DIAPH3: variants seen among roughly 807,000 people sequenced by gnomAD.
The protein encoded by DIAPH3 is diaphanous related formin 3, also known as protein diaphanous homolog 3.
Under a neutral mutation model 144.3 loss-of-function variants are expected in DIAPH3, and 117 were observed. That is an observed-to-expected ratio of 0.81 (90% CI 0.70 to 0.95). The LOEUF (loss-of-function observed/expected upper bound fraction) is 0.95. Ranked by LOEUF, DIAPH3 falls within the 40% of genes least tolerant of loss-of-function variation. The pLI is 0.00. For synonymous variants in DIAPH3, 519 were observed against 488.9 expected, an observed-to-expected ratio of 1.06 and a Z score of -0.81; for missense variants, 1,421 against 1,412.7, an observed-to-expected ratio of 1.01 and a Z score of -0.09.
chr13:59,899,351 C>T (rs2057528), intron 20 of DIAPH3, among the ~76,000 whole-genome samples: 36,213 of 152,056 alleles, frequency 0.24, 5,361 homozygotes, highest in Admixed American at 0.37. Context: ...GTATTTTGAG[C>T]AACTGATTAT....
At chr13:59,688,042 T>A (rs1227679828) in intron 27 of DIAPH3, among the ~76,000 whole-genome samples, 3 of 152,026 alleles carry the variant, frequency 2.0e-5, no homozygotes, top group Non-Finnish European at 4.4e-5. Context: ...CCAAAATCAA[T>A]ACCAAAGATT....
intron 1 of DIAPH3, among the ~76,000 whole-genome samples, chr13:60,156,941 T>TATA (rs1566834028): frequency 0.034 from 915 of 26,876 alleles, 6 homozygotes; most frequent in Middle Eastern, 0.065. Context: ...ATATATATAT[T>TATA]TTTTTTTTTT....
At chr13:59,692,033 G>C (rs185378929) in intron 27 of DIAPH3, among the ~76,000 whole-genome samples, 10 of 149,880 alleles carry the variant, frequency 6.7e-5, no homozygotes, top group Admixed American at 1.3e-4. Context: ...AATACCCCAT[G>C]TATAGTTCAC....
intron 21 of DIAPH3, among the ~76,000 whole-genome samples, chr13:59,862,183 G>A (rs1182525717): frequency 6.6e-6 from 1 of 152,152 alleles, no homozygotes; most frequent in African/African-American, 2.4e-5. Flanking sequence ...CACCTCTGAG[G>A]CAGCTGAGTG....
rs533925759 is a variant in DIAPH3, at chr13:59,846,625, C to T, written c.2738-7177G>A. The stretch of plus-strand genomic sequence containing the variant: ...AAACCTCAGTAGTATAAAAAAAAAT[C>T]TTGACTATTAAGTAGGTCTACAACA... On this transcript the variant is annotated intron_variant, in intron 22 of 27. Coordinates refer to ENST00000400324, the MANE Select transcript of DIAPH3 (RefSeq NM_001042517.2). Among the ~76,000 whole-genome samples, 27 of 151,848 alleles carry T rather than the reference C, an allele frequency of 1.8e-4. No individual in the cohort carries two copies. The East Asian group carries it at 5.1e-3, about 28-fold the overall frequency.
intron 4 of DIAPH3, among the ~76,000 whole-genome samples, chr13:60,082,928 A>C (rs2057610845): frequency 6.6e-6 from 1 of 152,110 alleles, no homozygotes; most frequent in South Asian, 2.1e-4. Flanking sequence ...CAAAATAAAA[A>C]CTTTTTACAT....
At position 59,666,031 on chromosome 13, in the gene DIAPH3, G is replaced by A. The variant is rs41293420; in HGVS notation, c.*553C>T. ...CATGAATTCAACAATGATGATAATGGGGTCACCAGTCATTTCCTTACATAT... is the reference window on the plus strand; with the variant it reads ...CATGAATTCAACAATGATGATAATGAGGTCACCAGTCATTTCCTTACATAT... On this transcript the variant is annotated 3_prime_UTR_variant, in exon 28 of 28. Transcript: ENST00000400324. 4.9e-3 allele frequency: 741 copies of A among 152,580 alleles called. 4 individuals carry two copies. Among genetic ancestry groups the A allele is most frequent in the Non-Finnish European group, 7.8e-3 (532 of 68,380 alleles). 9.5% of individuals were successfully genotyped at this position (152,580 alleles called of 1,614,324 possible).
At chr13:59,969,870 G>A in intron 17 of DIAPH3, 74 bp downstream of exon 17, 1 of 955,918 alleles carries the variant, frequency 1.0e-6, no homozygotes, top group Non-Finnish European at 1.6e-6. Flanking sequence ...AATGTTTTCT[G>A]AAAATTGATA....
intron 5 of DIAPH3, among the ~76,000 whole-genome samples, chr13:60,027,406 A>T (rs1199164807): frequency 6.6e-6 from 1 of 152,252 alleles, no homozygotes; most frequent in African/African-American, 2.4e-5. Context: ...AAAAACAATC[A>T]TTTATTCCCA....
intron 24 of DIAPH3, 22 bp from the exon 25 acceptor site, chr13:59,810,945 A>G: frequency 1.3e-6 from 2 of 1,590,452 alleles, no homozygotes; most frequent in Non-Finnish European, 1.7e-6. Context: ...TTGAAAAATG[A>G]TCAATTTTAA....
chr13:60,095,315 G>T (rs2058073802), intron 3 of DIAPH3, among the ~76,000 whole-genome samples: 2 of 152,174 alleles, frequency 1.3e-5, no homozygotes, highest in African/African-American at 4.8e-5. Context: ...GAATGGTGCT[G>T]CTCCTTGCAG....
At chr13:59,886,672 C>A (rs546954428) in intron 20 of DIAPH3, among the ~76,000 whole-genome samples, 3 of 152,112 alleles carry the variant, frequency 2.0e-5, no homozygotes, top group African/African-American at 4.8e-5. Context: ...AAAATCTGCA[C>A]ATATTTAGTG....
At chr13:59,967,478 A>G (rs1480970604) in intron 17 of DIAPH3, among the ~76,000 whole-genome samples, 1 of 152,156 alleles carries the variant, frequency 6.6e-6, no homozygotes, top group Non-Finnish European at 1.5e-5. Flanking sequence ...CTCAGCAGCC[A>G]GGCCATGAAT....
At chr13:60,083,177 G>C (rs1035538256) in intron 4 of DIAPH3, among the ~76,000 whole-genome samples, 2 of 151,896 alleles carry the variant, frequency 1.3e-5, no homozygotes, top group African/African-American at 4.8e-5. Flanking sequence ...CCAAAGATGG[G>C]ACAATTTGAT....
intron 17 of DIAPH3, among the ~76,000 whole-genome samples, chr13:59,969,378 G>A (rs988749667): frequency 7.9e-5 from 12 of 152,064 alleles, no homozygotes; most frequent in Non-Finnish European, 1.5e-4. Flanking sequence ...TTATGTGATA[G>A]TCACTGTAAT....
chr13:59,753,845 G>A (rs997163919), intron 27 of DIAPH3, among the ~76,000 whole-genome samples: 13 of 152,124 alleles, frequency 8.5e-5, no homozygotes, highest in Admixed American at 5.9e-4. Context: ...CAAAAACAGC[G>A]TTAGCTTTTA....
chr13:59,827,662 C>G (rs74872134), intron 24 of DIAPH3, among the ~76,000 whole-genome samples: 3,232 of 151,924 alleles, frequency 0.021, 87 homozygotes, highest in East Asian at 0.12. Flanking sequence ...CCACCCGTAC[C>G]AATTAGGAGA....
rs577497113 is a variant in DIAPH3, at chr13:59,944,242, A to G, written c.2075-19372T>C. Among the ~76,000 whole-genome samples, 3 of 152,232 alleles carry G rather than the reference A, an allele frequency of 2.0e-5. No homozygotes were observed. The South Asian group carries it at 6.2e-4, about 32-fold the overall frequency. ...AAAAAAAATGATGGAGGACTTAGAA[A>G]GTTAAAAGAGGCAATAACATCTCAG... On this transcript the variant is annotated intron_variant, in intron 17 of 27. Transcript: ENST00000400324.
At chr13:59,674,572 C>G (rs1318867309) in intron 27 of DIAPH3, among the ~76,000 whole-genome samples, 1 of 152,160 alleles carries the variant, frequency 6.6e-6, no homozygotes, top group Non-Finnish European at 1.5e-5. Flanking sequence ...CTTTTCTGCC[C>G]TTTCTACCTT....
Sources: gnomAD v4.1 joint callset for allele counts (sites outside exome capture counted in the v4.1 genomes callset) on GRCh38, gnomAD v4.1.1 for gene constraint, MANE v1.5 for transcripts, NCBI Gene and HGNC (gene_info 2026-07-23, HGNC 2026-07-21) for gene names.